The following MNAT1 variants were observed in gnomAD, a reference collection of about 807,000 sequenced individuals.
The protein encoded by MNAT1 is MNAT1 component of CDK activating kinase.
MNAT1 carries 43 observed loss-of-function variants against 42.0 expected under a neutral mutation model. The ratio of observed to expected loss-of-function variants is 1.02; its 90% confidence interval spans 0.80 to 1.32. The LOEUF is 1.32. MNAT1 is among the 40% of genes most tolerant of loss of function. The probability of loss-of-function intolerance (pLI) is 0.00; values close to 1 mark genes in which losing one functional copy is unlikely to be tolerated. For missense variants in MNAT1, 306 were observed against 350.4 expected, an observed-to-expected ratio of 0.87 and a Z score of 1.01; for synonymous variants, 118 against 120.0, an observed-to-expected ratio of 0.98 and a Z score of 0.11.
At chr14:60,787,119 T>C (rs530376703) in intron 1 of MNAT1, among the ~76,000 whole-genome samples, 16 of 152,162 alleles carry the variant, frequency 1.1e-4, no homozygotes, top group Non-Finnish European at 1.9e-4. Flanking sequence ...TGCTTTCCCT[T>C]ATTACTCGTA....
At chr14:60,936,639 A>G (rs911583532) in intron 7 of MNAT1, among the ~76,000 whole-genome samples, 6 of 151,900 alleles carry the variant, frequency 3.9e-5, no homozygotes, top group African/African-American at 1.5e-4. Flanking sequence ...TGGACATTTG[A>G]CTTGGTTCCA....
At chr14:60,940,118 A>G (rs1566569955) in intron 7 of MNAT1, among the ~76,000 whole-genome samples, 1 of 152,000 alleles carries the variant, frequency 6.6e-6, no homozygotes, top group Non-Finnish European at 1.5e-5. Flanking sequence ...TTTTGAGCTT[A>G]TGTGTGTCTC....
rs558809156 is a variant in MNAT1 at position 60,741,124 on chromosome 14, C to A, written c.89+6173C>A. Among the ~76,000 whole-genome samples, 5 of 152,236 alleles carry A rather than the reference C, an allele frequency of 3.3e-5. No homozygotes were observed. In the East Asian group the frequency reaches 9.7e-4, roughly 29 times the overall value. ...GGCCCTCTTTGTCTCTTGTAATATG[C>A]TTTTTCCTGAAGATTCTGTCTGATA... is the stretch of plus-strand genomic sequence containing the variant. On this transcript the variant is annotated intron_variant, in intron 1 of 7. Transcript: ENST00000261245.
chr14:60,879,656 TAAG>T, intron 6 of MNAT1, 55 bp from the exon 7 acceptor site: 1 of 1,477,390 alleles, frequency 6.8e-7, no homozygotes. Context: ...TGATTATAAA[TAAG>T]TAGCAATATG....
In MNAT1 at chr14:60,734,761, A is replaced by G; in HGVS notation, c.-102A>G. 9.8e-7 allele frequency: 1 copy of G among 1,020,818 alleles called. No homozygotes were observed. Among genetic ancestry groups the G allele is most frequent in the South Asian group, 1.4e-5 (1 of 73,012 alleles). The allele number at this position is 1,020,818 out of a possible 1,614,324, so 63.2% of individuals were successfully genotyped here. The stretch of plus-strand genomic sequence containing the variant: ...CTTTCGCGAAGGGACCGTCTCTGCC[A>G]AGCGCCTGTTGGTAGGAACCTGCTT... On this transcript the variant is annotated 5_prime_UTR_variant, in exon 1 of 8. Coordinates refer to ENST00000261245, the MANE Select transcript of MNAT1 (RefSeq NM_002431.4). The surrounding 1 kb of genome is among the most constrained non-coding windows in gnomAD (Gnocchi z 4.3).
At chr14:60,736,080 T>A (rs999017891) in intron 1 of MNAT1, among the ~76,000 whole-genome samples, 1 of 152,232 alleles carries the variant, frequency 6.6e-6, no homozygotes, top group Non-Finnish European at 1.5e-5. Flanking sequence ...TTGATCTTTA[T>A]TTTCCTTTGC....
chr14:60,895,038 C>T (rs1277157136), intron 7 of MNAT1, among the ~76,000 whole-genome samples: 1 of 152,114 alleles, frequency 6.6e-6, no homozygotes. Context: ...TCATACTTCC[C>T]TTCTCTTCAG....
chr14:60,826,407 C>T (rs1566783193), intron 6 of MNAT1, among the ~76,000 whole-genome samples: 1 of 150,620 alleles, frequency 6.6e-6, no homozygotes, highest in Non-Finnish European at 1.5e-5. Flanking sequence ...ACCTCTGCCT[C>T]CTGGGTTCAA....
chr14:60,930,206 T>TTTA (rs71114168), intron 7 of MNAT1, among the ~76,000 whole-genome samples: 35,219 of 138,480 alleles, frequency 0.25, 4,629 homozygotes, highest in Middle Eastern at 0.32. Context: ...TTCTTCCGTC[T>TTTA]TTATTATTAT....
chr14:60,857,469 G>A (rs1044631056), intron 6 of MNAT1, among the ~76,000 whole-genome samples: 2 of 152,142 alleles, frequency 1.3e-5, no homozygotes, highest in African/African-American at 4.8e-5. Context: ...AAAGAAAGTG[G>A]TTTCTTGAGA....
chr14:60,896,951 T>A (rs1240744773), intron 7 of MNAT1, among the ~76,000 whole-genome samples: 1 of 152,228 alleles, frequency 6.6e-6, no homozygotes, highest in African/African-American at 2.4e-5. Flanking sequence ...ATAAAGATAA[T>A]GTACCTTCTG....
chr14:60,968,425 A>G lies in MNAT1; in HGVS notation c.*76A>G, dbSNP rs942553227. The G allele has an allele frequency of 1.3e-5, 21 of 1,559,178 alleles. No homozygotes were observed. Among genetic ancestry groups the G allele is most frequent in the Non-Finnish European group, 1.8e-5 (21 of 1,155,162 alleles). On this transcript the variant is annotated 3_prime_UTR_variant, in exon 8 of 8. Coordinates refer to ENST00000261245, the MANE Select transcript of MNAT1 (RefSeq NM_002431.4). ...AAAGCAGACTTATAAAATTATAGCT[A>G]TGTGCAGCTGCACAACACAGTCCTT...
chr14:60,897,324 A>T (rs1312839543), intron 7 of MNAT1, among the ~76,000 whole-genome samples: 4 of 152,222 alleles, frequency 2.6e-5, no homozygotes, highest in South Asian at 4.1e-4. Context: ...GTTTATATTT[A>T]TGTAAATATA....
At chr14:60,961,223 A>C (rs551487958) in intron 7 of MNAT1, among the ~76,000 whole-genome samples, 1 of 152,298 alleles carries the variant, frequency 6.6e-6, no homozygotes, top group South Asian at 2.1e-4. Flanking sequence ...CGGCCTCCCA[A>C]AGTGCTGGGA....
At position 60,760,863 on chromosome 14, in the gene MNAT1, T is replaced by C. The variant is rs143000601; in HGVS notation, c.89+25912T>C. 2.4e-3 allele frequency among the ~76,000 whole-genome samples: 364 copies of C among 152,330 alleles called. 1 individual carries two copies. The highest frequency in any genetic ancestry group is 4.2e-3 in the Non-Finnish European group (283 of 68,018). On this transcript the variant is annotated intron_variant, in intron 1 of 7. Transcript: ENST00000261245. ...ATTCCACACAGGTGAGTCAGTCTTT[T>C]GTGTTCTTACCAGGTGCATTATTGA...
At chr14:60,861,463 C>T (rs758545205) in intron 6 of MNAT1, among the ~76,000 whole-genome samples, 1 of 152,052 alleles carries the variant, frequency 6.6e-6, no homozygotes, top group African/African-American at 2.4e-5. Flanking sequence ...TATGTATGAA[C>T]ATGCCTGTTT....
At chr14:60,753,324 G>A (rs1409735238) in intron 1 of MNAT1, among the ~76,000 whole-genome samples, 1 of 151,848 alleles carries the variant, frequency 6.6e-6, no homozygotes, top group Non-Finnish European at 1.5e-5. Context: ...ACTTATATGT[G>A]GATTTCAAAA....
At chr14:60,902,226 A>G (rs189769781) in intron 7 of MNAT1, among the ~76,000 whole-genome samples, 86 of 152,294 alleles carry the variant, frequency 5.6e-4, no homozygotes, top group East Asian at 5.6e-3. Context: ...TCATTAATAC[A>G]TAATCTATTT....
chr14:60,968,390 T>C lies in MNAT1; in HGVS notation c.*41T>C. ...GGACCTTGGAGCTGAACCAGGGAGC[T>C]AGCAAAAGTAAAGCAGACTTATAAA... is the stretch of plus-strand genomic sequence containing the variant. On this transcript the variant is annotated 3_prime_UTR_variant, in exon 8 of 8. Transcript: ENST00000261245. 1 of 1,592,282 alleles carries C rather than the reference T, an allele frequency of 6.3e-7. No individual in the cohort carries two copies. Among genetic ancestry groups the C allele is most frequent in the South Asian group, 1.1e-5 (1 of 88,136 alleles).
Sources: gnomAD v4.1 joint callset for allele counts (sites outside exome capture counted in the v4.1 genomes callset) on GRCh38, gnomAD v4.1.1 for gene constraint, Gnocchi (gnomAD v3.1) non-coding constraint, MANE v1.5 for transcripts, NCBI Gene and HGNC (gene_info 2026-07-23, HGNC 2026-07-21) for gene names.